ENTPD5: variants seen among roughly 807,000 people sequenced by gnomAD.
ENTPD5 encodes the protein nucleoside diphosphate phosphatase ENTPD5.
In ENTPD5, 49 loss-of-function variants were observed where a neutral mutation model predicts 60.2. That is an observed-to-expected ratio of 0.81 (90% confidence interval 0.65 to 1.03). ENTPD5 has a LOEUF of 1.03. Among genes scored for constraint, ENTPD5 ranks in the 50% least tolerant of loss-of-function variants. The pLI, the probability that ENTPD5 is intolerant of heterozygous loss-of-function variation, is 0.00. For synonymous variants in ENTPD5, 187 were observed against 185.4 expected, an observed-to-expected ratio of 1.01 and a Z score of -0.07; for missense variants, 480 against 507.6, an observed-to-expected ratio of 0.95 and a Z score of 0.52.
intron 3 of ENTPD5, among the ~76,000 whole-genome samples, chr14:73,999,599 G>A (rs1405169194): frequency 6.6e-6 from 1 of 151,742 alleles, no homozygotes; most frequent in Non-Finnish European, 1.5e-5. Flanking sequence ...TTTGAGACCA[G>A]ACTGACCAAC....
At chr14:74,019,109 G>C (rs1439216350) in intron 1 of ENTPD5, 141 bp downstream of exon 1, 1 of 152,380 alleles carries the variant, frequency 6.6e-6, no homozygotes, top group African/African-American at 2.4e-5. Context: ...TGAGGCAAGG[G>C]CGCCCCGACC....
chr14:74,002,104 C>T (rs1208126383), intron 3 of ENTPD5, among the ~76,000 whole-genome samples: 1 of 152,162 alleles, frequency 6.6e-6, no homozygotes, highest in African/African-American at 2.4e-5. Context: ...TCTCACATTA[C>T]TGCTCTGTGA....
chr14:73,979,248 C>A (rs1801082883), intron 6 of ENTPD5, among the ~76,000 whole-genome samples: 1 of 151,804 alleles, frequency 6.6e-6, no homozygotes, highest in African/African-American at 2.4e-5. Flanking sequence ...GCATTTCCCC[C>A]ACACTATCAA....
At chr14:73,983,772 C>T (rs1205747407) in intron 5 of ENTPD5, among the ~76,000 whole-genome samples, 2 of 151,176 alleles carry the variant, frequency 1.3e-5, no homozygotes, top group Non-Finnish European at 2.9e-5. Flanking sequence ...CTCACTGCAA[C>T]CTCCACCTCC....
downstream of ENTPD5, chr14:73,955,958 A>T: frequency 6.2e-7 from 1 of 1,613,572 alleles, no homozygotes; most frequent in Non-Finnish European, 8.5e-7. Flanking sequence ...CCTTGCATTC[A>T]TTGGGAAGTG....
intron 3 of ENTPD5, among the ~76,000 whole-genome samples, chr14:74,007,059 T>A (rs1195361876): frequency 6.6e-6 from 1 of 152,286 alleles, no homozygotes; most frequent in Middle Eastern, 3.4e-3. Flanking sequence ...ATAGAAACTT[T>A]ATGCTACATA....
chr14:73,976,906 C>T, intron 8 of ENTPD5, 118 bp downstream of exon 8: 1 of 940,368 alleles, frequency 1.1e-6, no homozygotes, highest in Non-Finnish European at 1.6e-6. Context: ...CACACCCAGC[C>T]TCTTTTCCTT....
At chr14:74,011,449 T>G (rs1434911948) in intron 2 of ENTPD5, among the ~76,000 whole-genome samples, 1 of 151,970 alleles carries the variant, frequency 6.6e-6, no homozygotes, top group Non-Finnish European at 1.5e-5. Context: ...TAGAAGCTGG[T>G]GTATATGTGT....
At chr14:73,989,891 C>T (rs1474785713) in intron 3 of ENTPD5, among the ~76,000 whole-genome samples, 1 of 150,224 alleles carries the variant, frequency 6.7e-6, no homozygotes, top group Non-Finnish European at 1.5e-5. Flanking sequence ...CCTGTAATCC[C>T]AGCTACTCAG....
At chr14:73,961,717 A>G (rs752498890), downstream of ENTPD5, 1 of 1,614,082 alleles carries the variant, frequency 6.2e-7, no homozygotes, top group Admixed American at 1.7e-5. Flanking sequence ...TAGGGATTTA[A>G]TCTTTCCTCT....
At chr14:73,960,581 T>G (rs1309092892), downstream of ENTPD5, 28 of 1,032,452 alleles carry the variant, frequency 2.7e-5, no homozygotes, top group Non-Finnish European at 3.0e-5. Context: ...CTAGGTCCTC[T>G]GCAGTGCAGT....
downstream of ENTPD5, chr14:73,959,139 A>G: frequency 4.3e-6 from 7 of 1,614,148 alleles, no homozygotes; most frequent in Non-Finnish European, 5.9e-6. Context: ...TTCACAGAGA[A>G]ACTTTTCTCC....
chr14:73,996,063 A>C, intron 3 of ENTPD5: 3 of 836,258 alleles, frequency 3.6e-6, no homozygotes, highest in Non-Finnish European at 4.3e-6. Flanking sequence ...CGGAAGCCTG[A>C]GAGACCACAA....
intron 3 of ENTPD5, among the ~76,000 whole-genome samples, chr14:74,006,878 C>A (rs960136111): frequency 6.6e-6 from 1 of 152,032 alleles, no homozygotes; most frequent in Non-Finnish European, 1.5e-5. Flanking sequence ...AGCTACCCCA[C>A]CTATTATTCA....
In ENTPD5 at chr14:73,969,440, C is replaced by G. The variant is rs145809914; in HGVS notation, c.1200+570G>C. 6.3e-3 allele frequency among the ~76,000 whole-genome samples: 956 copies of G among 152,278 alleles called. 16 individuals are homozygous for G. Among genetic ancestry groups the G allele is most frequent in the African/African-American group, 0.022 (919 of 41,530 alleles). On this transcript the variant is annotated intron_variant, in intron 15 of 15. Transcript: ENST00000334696. The stretch of plus-strand genomic sequence containing the variant: ...GGGTGCAGTGGCTCACGCCTGTAAT[C>G]CCAGCACTTGGGAGTTCGAGGTGGG...
At chr14:73,980,862 C>G (rs1803241535) in intron 6 of ENTPD5, among the ~76,000 whole-genome samples, 2 of 152,138 alleles carry the variant, frequency 1.3e-5, no homozygotes, top group African/African-American at 4.8e-5. Context: ...CTTTGGGAGG[C>G]TGAGGCGGGC....
chr14:73,974,858 G>C (rs1021472723), intron 11 of ENTPD5, 66 bp downstream of exon 11: 1 of 1,298,504 alleles, frequency 7.7e-7, no homozygotes, highest in Admixed American at 1.9e-5. Context: ...TCAAGGAAGG[G>C]AAGAAGCAAG....
chr14:73,958,622 T>C (rs2056557483), downstream of ENTPD5: 10 of 1,288,502 alleles, frequency 7.8e-6, no homozygotes, highest in South Asian at 1.6e-4. Flanking sequence ...CAAGCTTCCC[T>C]TTTTGCATGG....
chr14:73,976,207 G>A, intron 9 of ENTPD5, 117 bp downstream of exon 9: 2 of 923,466 alleles, frequency 2.2e-6, no homozygotes, highest in Non-Finnish European at 1.7e-6. Context: ...GTTATTAATT[G>A]ACTTGACTCT....
Sources: gnomAD v4.1 joint callset for allele counts (sites outside exome capture counted in the v4.1 genomes callset) on GRCh38, gnomAD v4.1.1 for gene constraint, MANE v1.5 for transcripts, NCBI Gene and HGNC (gene_info 2026-07-23, HGNC 2026-07-21) for gene names.